The following SEM1 variants were observed in gnomAD, a reference collection of about 807,000 sequenced individuals.
The protein encoded by SEM1 is SEM1 26S proteasome subunit, also known as 26S proteasome complex subunit SEM1.
A neutral mutation model predicts 12.7 loss-of-function variants in SEM1; 3 were observed. That is an observed-to-expected ratio of 0.24 (90% CI 0.11 to 0.61). SEM1 has a LOEUF of 0.61. SEM1 is among the 20% of genes least tolerant of loss of function. The probability of loss-of-function intolerance (pLI) is 0.88; values close to 1 mark genes in which losing one functional copy is unlikely to be tolerated. For missense variants in SEM1, 59 were observed against 81.3 expected, an observed-to-expected ratio of 0.73 and a Z score of 1.06; for synonymous variants, 30 against 27.8, an observed-to-expected ratio of 1.08 and a Z score of -0.25.
At chr7:96,552,300 C>G (rs1257803361) in intron 2 of SEM1, among the ~76,000 whole-genome samples, 1 of 152,098 alleles carries the variant, frequency 6.6e-6, no homozygotes, top group South Asian at 2.1e-4. Flanking sequence ...ACTAACTCGT[C>G]ATCTAGCATT....
At chr7:96,659,927 A>AAAC (rs1335375936) in intron 2 of SEM1, among the ~76,000 whole-genome samples, 29 of 116,586 alleles carry the variant, frequency 2.5e-4, no homozygotes, top group Middle Eastern at 9.5e-3. Context: ...AAAAAAAAAA[A>AAAC]AAACAAAAAC....
chr7:96,705,399 G>C (rs1363463466), intron 1 of SEM1, among the ~76,000 whole-genome samples: 2 of 148,258 alleles, frequency 1.3e-5, no homozygotes, highest in African/African-American at 4.9e-5. Context: ...GGCACAGGAA[G>C]AGAATAAAAG....
chr7:96,691,735 T>A (rs775888651), intron 2 of SEM1, among the ~76,000 whole-genome samples: 1 of 152,244 alleles, frequency 6.6e-6, no homozygotes, highest in Non-Finnish European at 1.5e-5. Context: ...AATATGGTAG[T>A]CATATGTGGC....
intron 1 of SEM1, among the ~76,000 whole-genome samples, chr7:96,491,644 T>C (rs1314192774): frequency 6.6e-6 from 1 of 152,186 alleles, no homozygotes; most frequent in Non-Finnish European, 1.5e-5. Context: ...GTTTTCCTGA[T>C]TTTTAGACTT....
At chr7:96,574,941 G>A (rs145536967) in intron 2 of SEM1, among the ~76,000 whole-genome samples, 8 of 152,180 alleles carry the variant, frequency 5.3e-5, no homozygotes, top group Non-Finnish European at 8.8e-5. Context: ...TTGTTATTAC[G>A]TACTTTCTGA....
exon 3 of SEM1, chr7:96,673,508 T>C (rs1789375555): frequency 4.3e-6 from 2 of 470,316 alleles, no homozygotes; most frequent in South Asian, 6.3e-5. Flanking sequence ...GTTATGTAGC[T>C]ACAGGAAGTA....
chr7:96,701,981 A>T (rs1790286587), intron 1 of SEM1, among the ~76,000 whole-genome samples: 1 of 152,086 alleles, frequency 6.6e-6, no homozygotes, highest in Non-Finnish European at 1.5e-5. Context: ...CAGAGCCTGG[A>T]CAGAACGAAG....
upstream of SEM1, among the ~76,000 whole-genome samples, chr7:96,497,835 GGGAACTAACAGATGAC>G (rs1354380233): frequency 3.3e-5 from 5 of 152,082 alleles, no homozygotes; most frequent in Non-Finnish European, 5.9e-5. Context: ...ACAAAGATAA[GGGAACTAACAGATGAC>G]GGAACTAACA....
intron 2 of SEM1, among the ~76,000 whole-genome samples, chr7:96,573,836 T>A (rs1393256016): frequency 1.3e-5 from 2 of 152,186 alleles, no homozygotes; most frequent in Non-Finnish European, 2.9e-5. Context: ...TTGGATAATA[T>A]CCTGAAGAGT....
At chr7:96,662,964 C>T (rs974131474) in intron 2 of SEM1, among the ~76,000 whole-genome samples, 2 of 152,018 alleles carry the variant, frequency 1.3e-5, no homozygotes, top group East Asian at 1.9e-4. Context: ...CATTTCTGTT[C>T]GACCACAAAA....
At chr7:96,628,407 C>G (rs769085743) in intron 2 of SEM1, among the ~76,000 whole-genome samples, 2 of 151,728 alleles carry the variant, frequency 1.3e-5, no homozygotes, top group Non-Finnish European at 1.5e-5. Context: ...TTGTAGCCAT[C>G]GTATGTTATT....
chr7:96,668,618 A>T (rs1789230511), downstream of SEM1, among the ~76,000 whole-genome samples: 1 of 152,186 alleles, frequency 6.6e-6, no homozygotes. Context: ...TCAATCAGCT[A>T]CAGATTCAGC....
At chr7:96,623,951 C>T (rs960325735) in intron 2 of SEM1, among the ~76,000 whole-genome samples, 7 of 152,110 alleles carry the variant, frequency 4.6e-5, no homozygotes, top group Admixed American at 1.3e-4. Flanking sequence ...TCAAATCTCC[C>T]TCTGGCTTTC....
chr7:96,647,498 A>G (rs1257664875), intron 2 of SEM1: 4 of 152,204 alleles, frequency 2.6e-5, no homozygotes, highest in African/African-American at 9.6e-5. Context: ...TATCCTAAAT[A>G]TCTCATCAGT....
chr7:96,594,620 A>G (rs571936854), intron 2 of SEM1, among the ~76,000 whole-genome samples: 1 of 152,264 alleles, frequency 6.6e-6, no homozygotes, highest in South Asian at 2.1e-4. Context: ...TCCAAATATT[A>G]AGTGTTTTTT....
chr7:96,671,987 T>TA (rs979321614), downstream of SEM1, among the ~76,000 whole-genome samples: 1 of 152,332 alleles, frequency 6.6e-6, no homozygotes, highest in African/African-American at 2.4e-5. Context: ...GAAAACCAAA[T>TA]ATAGTACTCC....
intron 2 of SEM1, among the ~76,000 whole-genome samples, chr7:96,575,630 C>G (rs963789516): frequency 6.6e-6 from 1 of 152,348 alleles, no homozygotes; most frequent in East Asian, 1.9e-4. Context: ...AAGCCCCTGA[C>G]TGGGGGTGCT....
chr7:96,580,215 C>T (rs1364260827), intron 2 of SEM1, among the ~76,000 whole-genome samples: 25 of 146,004 alleles, frequency 1.7e-4, no homozygotes, highest in Middle Eastern at 7.1e-3. Flanking sequence ...TGAGAATATG[C>T]GGTGTTTGGT....
At chr7:96,541,443 G>GT (rs61049763) in intron 2 of SEM1, among the ~76,000 whole-genome samples, 7,921 of 102,280 alleles carry the variant, frequency 0.077, 352 homozygotes, top group African/African-American at 0.14. Context: ...TTTTTTTTTT[G>GT]TTTTTTTTTT....
Sources: allele counts gnomAD v4.1 joint callset (sites outside exome capture counted in the v4.1 genomes callset), GRCh38; gene constraint gnomAD v4.1.1; transcripts MANE v1.5; gene names NCBI Gene and HGNC (gene_info 2026-07-23, HGNC 2026-07-21).